Variants in PTPRD observed in about 807,000 individuals in gnomAD.
PTPRD encodes protein tyrosine phosphatase receptor type D.
In PTPRD, 34 loss-of-function variants were observed where a neutral mutation model predicts 214.5. The ratio of observed to expected loss-of-function variants is 0.16; its 90% CI spans 0.12 to 0.21. The LOEUF is 0.21. PTPRD is among the 10% of genes least tolerant of loss of function. The pLI, the probability that PTPRD is intolerant of heterozygous loss-of-function variation, is 1.00. For synonymous variants in PTPRD, 1,128 were observed against 845.7 expected (o/e 1.33, Z -5.79); for missense variants, 2,545 against 2,398.7 (o/e 1.06, Z -1.27).
At chr9:9,887,621 A>G (rs543205900) in intron 5 of PTPRD, among the ~76,000 whole-genome samples, 3 of 152,294 alleles carry the variant, frequency 2.0e-5, no homozygotes, top group Admixed American at 6.5e-5. Flanking sequence ...ATGTACTCAG[A>G]CAAACCTGGA....
intron 43 of PTPRD, 95 bp downstream of exon 43, chr9:8,338,827 C>G (rs1414630599): frequency 5.5e-6 from 6 of 1,091,116 alleles, no homozygotes; most frequent in Admixed American, 2.4e-5. Context: ...GGACAACAGT[C>G]AAGTGGCAAG....
At chr9:8,385,531 C>G (rs75474253) in intron 37 of PTPRD, among the ~76,000 whole-genome samples, 4 of 151,910 alleles carry the variant, frequency 2.6e-5, no homozygotes, top group African/African-American at 9.7e-5. Flanking sequence ...AAAACAAAAA[C>G]GAGTGAACCA....
At chr9:9,799,568 G>A (rs2099025378) in intron 5 of PTPRD, 1 of 152,122 alleles carries the variant, frequency 6.6e-6, no homozygotes, top group African/African-American at 2.4e-5. Flanking sequence ...TAACCTAAGT[G>A]TTGTCAGTTC....
At chr9:9,366,603 T>C (rs936823797) in intron 9 of PTPRD, among the ~76,000 whole-genome samples, 1 of 151,546 alleles carries the variant, frequency 6.6e-6, no homozygotes, top group African/African-American at 2.4e-5. Context: ...TTTTATAAAA[T>C]GGCCATTAGT....
intron 3 of PTPRD, among the ~76,000 whole-genome samples, chr9:10,085,225 T>C (rs2098313967): frequency 6.6e-6 from 1 of 151,900 alleles, no homozygotes; most frequent in African/African-American, 2.4e-5. Flanking sequence ...ATACCAATTT[T>C]GACAACACGC....
At position 10,415,160 on chromosome 9, in the gene PTPRD, T is replaced by G. The variant is rs1007233876; in HGVS notation, c.-599-74143A>C. ...ACACCAAATAATTTGTGACTTAGCT[T>G]CTTCTTTTATAAACTAATGATTAAA... On this transcript the variant is annotated intron_variant, in intron 2 of 45. Transcript: ENST00000381196. Among the ~76,000 whole-genome samples the G allele has an allele frequency of 5.3e-5, 8 of 151,844 alleles. No homozygotes were observed. In the East Asian group the frequency reaches 5.8e-4, roughly 11 times the overall value.
chr9:9,545,179 C>T (rs1306098408), intron 8 of PTPRD, among the ~76,000 whole-genome samples: 5 of 151,654 alleles, frequency 3.3e-5, no homozygotes. Flanking sequence ...CCTTAGGGTT[C>T]ACTCTATGCA....
intron 11 of PTPRD, among the ~76,000 whole-genome samples, chr9:8,853,468 G>C (rs147384786): frequency 1.3e-5 from 2 of 152,120 alleles, no homozygotes; most frequent in Non-Finnish European, 2.9e-5. Context: ...TGTAAGCCAA[G>C]CATGACATTT....
intron 6 of PTPRD, among the ~76,000 whole-genome samples, chr9:9,736,831 C>A (rs1053083835): frequency 6.6e-6 from 1 of 151,870 alleles, no homozygotes; most frequent in African/African-American, 2.4e-5. Context: ...ATTCTAGATG[C>A]GAGTCCTTTG....
At chr9:9,789,234 G>A (rs750414265) in intron 5 of PTPRD, among the ~76,000 whole-genome samples, 1 of 152,122 alleles carries the variant, frequency 6.6e-6, no homozygotes. Flanking sequence ...CTTTGGTGGA[G>A]AAAGCATTAA....
At chr9:10,016,357 T>TTAGATAGATAGA (rs1555471278) in intron 4 of PTPRD, among the ~76,000 whole-genome samples, 207 of 97,394 alleles carry the variant, frequency 2.1e-3, no homozygotes, top group South Asian at 3.9e-3. Context: ...GATAGAAAGA[T>TTAGATAGATAGA]TAGATAGATA....
At chr9:9,012,513 A>G (rs1221552741) in intron 11 of PTPRD, among the ~76,000 whole-genome samples, 3 of 152,162 alleles carry the variant, frequency 2.0e-5, no homozygotes, top group Non-Finnish European at 4.4e-5. Flanking sequence ...TTATGTAGGC[A>G]AATTCCATAG....
At chr9:9,302,955 C>T (rs1479075967) in intron 9 of PTPRD, among the ~76,000 whole-genome samples, 1 of 151,942 alleles carries the variant, frequency 6.6e-6, no homozygotes, top group Admixed American at 6.6e-5. Flanking sequence ...TTAGTTTACA[C>T]ATCTGCTCCT....
intron 10 of PTPRD, among the ~76,000 whole-genome samples, chr9:9,152,828 T>C (rs1173243888): frequency 6.6e-6 from 1 of 152,172 alleles, no homozygotes; most frequent in Non-Finnish European, 1.5e-5. Flanking sequence ...ATATGAGAAA[T>C]GAACCAGATA....
intron 2 of PTPRD, among the ~76,000 whole-genome samples, chr9:10,367,015 T>G (rs949888265): frequency 1.3e-5 from 2 of 151,300 alleles, no homozygotes; most frequent in African/African-American, 4.9e-5. Flanking sequence ...CCTAGACTTA[T>G]AACTTGTGTA....
chr9:8,680,447 C>T lies in PTPRD; in HGVS notation c.65-43603G>A, dbSNP rs1043331433. 1.1e-4 allele frequency among the ~76,000 whole-genome samples: 16 copies of T among 152,320 alleles called. 1 individual carries two copies. The East Asian group carries it at 3.1e-3, about 29-fold the overall frequency. ...TCTCTCGTGTTGAATCTCTTTCTGA[C>T]ATCATAAGTGACTGCCCACCTTTCC... On this transcript the variant is annotated intron_variant, in intron 12 of 45. Coordinates refer to ENST00000381196, the MANE Select transcript of PTPRD (RefSeq NM_002839.4).
intron 11 of PTPRD, among the ~76,000 whole-genome samples, chr9:8,981,721 T>A (rs980418269): frequency 5.9e-5 from 9 of 152,112 alleles, no homozygotes; most frequent in Non-Finnish European, 1.3e-4. Context: ...ATAGGATTTT[T>A]TTTTGAGGAC....
At chr9:8,590,625 A>T (rs1375286516) in intron 14 of PTPRD, among the ~76,000 whole-genome samples, 1 of 152,172 alleles carries the variant, frequency 6.6e-6, no homozygotes, top group Non-Finnish European at 1.5e-5. Context: ...GTATGAACAG[A>T]ATGGATGTTT....
chr9:8,321,977 A>G (rs1444565273), intron 44 of PTPRD, among the ~76,000 whole-genome samples: 17 of 151,948 alleles, frequency 1.1e-4, no homozygotes, highest in Admixed American at 9.8e-4. Flanking sequence ...TTCTTGTAAT[A>G]TTTCAAATTT....
Sources: gnomAD v4.1 joint callset for allele counts (sites outside exome capture counted in the v4.1 genomes callset) on GRCh38, gnomAD v4.1.1 for gene constraint, MANE v1.5 for transcripts, NCBI Gene and HGNC (gene_info 2026-07-23, HGNC 2026-07-21) for gene names.